The following ADCY2 variants were observed in gnomAD, a reference collection of about 807,000 sequenced individuals.
ADCY2 encodes the protein adenylate cyclase 2, also known as adenylate cyclase type 2.
A neutral mutation model predicts 125.2 loss-of-function variants in ADCY2; 31 were observed. The observed-to-expected ratio is 0.25, with a 90% CI of 0.19 to 0.33. The LOEUF is 0.33. ADCY2 is among the 10% of genes least tolerant of loss of function. The probability of loss-of-function intolerance (pLI) is 1.00; values close to 1 mark genes in which losing one functional copy is unlikely to be tolerated. For missense variants in ADCY2, 904 were observed against 1,418.2 expected, an observed-to-expected ratio of 0.64 and a Z score of 5.82; for synonymous variants, 512 against 548.4, an observed-to-expected ratio of 0.93 and a Z score of 0.93.
intron 4 of ADCY2, among the ~76,000 whole-genome samples, chr5:7,669,816 CT>C (rs1042013531): frequency 1.3e-5 from 2 of 152,120 alleles, no homozygotes; most frequent in Non-Finnish European, 2.9e-5. Context: ...GCAGGGTTAG[CT>C]TTTGCATTTA....
chr5:7,659,881 C>G (rs765974258), intron 4 of ADCY2, among the ~76,000 whole-genome samples: 2 of 152,122 alleles, frequency 1.3e-5, no homozygotes, highest in Non-Finnish European at 2.9e-5. Flanking sequence ...TTGGCTATAA[C>G]CAGATGACCT....
At chr5:7,501,794 T>A (rs1013816073) in intron 2 of ADCY2, among the ~76,000 whole-genome samples, 4 of 151,788 alleles carry the variant, frequency 2.6e-5, no homozygotes, top group African/African-American at 9.7e-5. Flanking sequence ...CCAAGGGGCG[T>A]CCACCAGGCA....
At chr5:7,631,717 C>A (rs1738315296) in intron 4 of ADCY2, among the ~76,000 whole-genome samples, 1 of 152,176 alleles carries the variant, frequency 6.6e-6, no homozygotes, top group Non-Finnish European at 1.5e-5. Context: ...CCTCCATGAC[C>A]ATGCTGAGGC....
intron 18 of ADCY2, among the ~76,000 whole-genome samples, chr5:7,779,627 G>A (rs990016466): frequency 2.0e-5 from 3 of 152,012 alleles, no homozygotes; most frequent in East Asian, 1.9e-4. Context: ...CACTGCCTCC[G>A]GAGCTCTTTT....
chr5:7,465,765 G>A (rs1742091291), intron 2 of ADCY2, among the ~76,000 whole-genome samples: 1 of 152,154 alleles, frequency 6.6e-6, no homozygotes, highest in South Asian at 2.1e-4. Context: ...ATATATAGCA[G>A]TTCCAAATTA....
At chr5:7,525,945 G>A (rs1734443620) in intron 3 of ADCY2, among the ~76,000 whole-genome samples, 1 of 152,082 alleles carries the variant, frequency 6.6e-6, no homozygotes, top group Non-Finnish European at 1.5e-5. Flanking sequence ...CTTGTCCCCT[G>A]CAAGCATGTT....
intron 17 of ADCY2, among the ~76,000 whole-genome samples, chr5:7,768,421 C>T (rs140469159): frequency 3.5e-4 from 53 of 152,236 alleles, no homozygotes; most frequent in African/African-American, 1.2e-3. Flanking sequence ...TCCATATGAT[C>T]CATAGGCTGG....
intron 4 of ADCY2, among the ~76,000 whole-genome samples, chr5:7,651,317 G>C (rs887389597): frequency 2.0e-5 from 3 of 152,102 alleles, no homozygotes; most frequent in South Asian, 2.1e-4. Context: ...TTATTAAGGA[G>C]TATTGACTCA....
At chr5:7,436,604 T>G (rs758061001) in intron 2 of ADCY2, among the ~76,000 whole-genome samples, 3 of 152,238 alleles carry the variant, frequency 2.0e-5, no homozygotes, top group Non-Finnish European at 2.9e-5. Context: ...CAAAGATCCC[T>G]AAGTCCGCAT....
Position 7,803,947 on chromosome 5 carries a change from T to TAC in ADCY2, c.2776-624_2776-623dup, listed in dbSNP as rs1393014969. On this transcript the variant is annotated intron_variant, in intron 21 of 24. Transcript: ENST00000338316. ...ATATATATGTGTGTGTGTATATATATACACACACACACACATGTATATCGT... is the reference window on the plus strand; with the variant it reads ...ATATATATGTGTGTGTGTATATATATACACACACACACACACATGTATATCGT... Among the ~76,000 whole-genome samples, 462 of 146,896 alleles carry TAC rather than the reference T, an allele frequency of 3.1e-3. 5 individuals carry two copies. The highest frequency in any genetic ancestry group is 0.01 in the African/African-American group (418 of 40,056).
chr5:7,776,750 AAAG>A (rs1252002582), intron 18 of ADCY2, among the ~76,000 whole-genome samples: 1 of 152,182 alleles, frequency 6.6e-6, no homozygotes, highest in African/African-American at 2.4e-5. Context: ...AAAGCAGGTG[AAAG>A]AAGAATAAGC....
intron 2 of ADCY2, among the ~76,000 whole-genome samples, chr5:7,417,667 C>T (rs73737371): frequency 0.025 from 3,804 of 152,302 alleles, 153 homozygotes; most frequent in African/African-American, 0.085. Context: ...GTCCTTAGAA[C>T]GATCTTTCCT....
chr5:7,791,952 G>A (rs1315371803), intron 20 of ADCY2, among the ~76,000 whole-genome samples: 1 of 152,076 alleles, frequency 6.6e-6, no homozygotes, highest in Non-Finnish European at 1.5e-5. Flanking sequence ...GGGGCCAGGG[G>A]GAGAGAGGAA....
chr5:7,780,467 G>C (rs111536934), intron 18 of ADCY2, among the ~76,000 whole-genome samples: 1 of 152,224 alleles, frequency 6.6e-6, no homozygotes, highest in South Asian at 2.1e-4. Context: ...AGATAAAAGA[G>C]AGATTAGCTG....
At chr5:7,642,969 A>G (rs1170387162) in intron 4 of ADCY2, among the ~76,000 whole-genome samples, 1 of 152,102 alleles carries the variant, frequency 6.6e-6, no homozygotes, top group Non-Finnish European at 1.5e-5. Context: ...AAATGTGGAA[A>G]TGAAAGAACC....
Position 7,766,731 on chromosome 5 carries a change from C to T in ADCY2, c.2139C>T (p.Asn713=), listed in dbSNP as rs775964402. The change falls in exon 17 of 25, where the codon AAC becomes AAT. Residue 713 remains asparagine, a synonymous_variant. Coordinates refer to ENST00000338316, the MANE Select transcript of ADCY2 (RefSeq NM_020546.3). ...AGGAAACAATCCCTCCAACTGCCAA[C>T]ACAACAAACACAAGCTTTTCAGCCT... ...DSEETIPPTA[N]TTNTSFSASN... is the part of the protein sequence containing the mutation. 1.9e-6 allele frequency: 3 copies of T among 1,612,324 alleles called. No homozygotes were observed. In the South Asian group the frequency reaches 3.3e-5, roughly 18 times the overall value.
intron 4 of ADCY2, among the ~76,000 whole-genome samples, chr5:7,668,618 T>G (rs1252285456): frequency 6.6e-6 from 1 of 152,272 alleles, no homozygotes; most frequent in Non-Finnish European, 1.5e-5. Flanking sequence ...TGTTTTTTAA[T>G]ATAAATATGT....
chr5:7,734,828 T>C (rs987865170), intron 14 of ADCY2, among the ~76,000 whole-genome samples: 1 of 152,224 alleles, frequency 6.6e-6, no homozygotes, highest in African/African-American at 2.4e-5. Flanking sequence ...TTAGAAGCCA[T>C]GGTTCCAGAA....
intron 3 of ADCY2, among the ~76,000 whole-genome samples, chr5:7,618,095 A>T (rs1173725197): frequency 6.6e-6 from 1 of 152,166 alleles, no homozygotes; most frequent in East Asian, 1.9e-4. Flanking sequence ...GTTTCACAGG[A>T]TTTTGCAAGC....
Sources: allele counts gnomAD v4.1 joint callset (sites outside exome capture counted in the v4.1 genomes callset), GRCh38; gene constraint gnomAD v4.1.1; transcripts MANE v1.5; gene names NCBI Gene and HGNC (gene_info 2026-07-23, HGNC 2026-07-21).